CNTN4: variants seen among roughly 807,000 people sequenced by gnomAD.
CNTN4 encodes contactin 4, also known as contactin-4.
Under a neutral mutation model 122.5 loss-of-function variants are expected in CNTN4, and 77 were observed. That is an observed-to-expected ratio of 0.63 (90% CI 0.52 to 0.76). The LOEUF is 0.76. Among genes scored for constraint, CNTN4 ranks in the 30% least tolerant of loss-of-function variants. The pLI is 0.00. For missense variants in CNTN4, 1,256 were observed against 1,259.1 expected (o/e 1.00, Z 0.04); for synonymous variants, 512 against 447.0 (o/e 1.15, Z -1.83).
At chr3:2,473,451 G>A (rs2075751156) in intron 3 of CNTN4, among the ~76,000 whole-genome samples, 1 of 152,052 alleles carries the variant, frequency 6.6e-6, no homozygotes, top group Non-Finnish European at 1.5e-5. Context: ...CAATAATGTA[G>A]CTGCTAGCCA....
intron 2 of CNTN4, chr3:2,238,929 G>T (rs369550797): frequency 1.5e-5 from 2 of 130,616 alleles, no homozygotes; most frequent in Middle Eastern, 3.8e-3. Flanking sequence ...GTTTCACCGT[G>T]TTAGCCAGGA....
intron 4 of CNTN4, among the ~76,000 whole-genome samples, chr3:2,623,598 T>C (rs2082072699): frequency 6.6e-6 from 1 of 152,196 alleles, no homozygotes; most frequent in Non-Finnish European, 1.5e-5. Context: ...GTCAAACTTA[T>C]ATATTAGGAG....
intron 3 of CNTN4, among the ~76,000 whole-genome samples, chr3:2,491,989 C>A (rs976322181): frequency 6.6e-6 from 1 of 151,360 alleles, no homozygotes; most frequent in African/African-American, 2.4e-5. Flanking sequence ...TTTTTAGTTA[C>A]CTGTGAATCA....
intron 2 of CNTN4, among the ~76,000 whole-genome samples, chr3:2,250,893 C>G (rs2040351027): frequency 6.6e-6 from 1 of 151,674 alleles, no homozygotes; most frequent in Non-Finnish European, 1.5e-5. Context: ...TGCTCTAGTT[C>G]TAGTTAATGA....
intron 2 of CNTN4, among the ~76,000 whole-genome samples, chr3:2,259,987 G>A (rs2040759777): frequency 6.6e-6 from 1 of 152,104 alleles, no homozygotes; most frequent in South Asian, 2.1e-4. Flanking sequence ...TTTAGTCACT[G>A]AGCTTTCCCA....
At chr3:2,141,051 G>T (rs910666319) in intron 2 of CNTN4, among the ~76,000 whole-genome samples, 4 of 152,154 alleles carry the variant, frequency 2.6e-5, no homozygotes, top group Non-Finnish European at 4.4e-5. Context: ...CTGTTCTTCA[G>T]CTGGAATATC....
chr3:3,003,542 A>C (rs1696253861), intron 14 of CNTN4, among the ~76,000 whole-genome samples: 1 of 152,080 alleles, frequency 6.6e-6, no homozygotes, highest in Non-Finnish European at 1.5e-5. Context: ...CCAGAATAGG[A>C]AAATTTATAG....
intron 4 of CNTN4, among the ~76,000 whole-genome samples, chr3:2,649,511 G>C (rs1025965409): frequency 6.6e-6 from 1 of 152,150 alleles, no homozygotes; most frequent in African/African-American, 2.4e-5. Context: ...TTACAACATG[G>C]TTTGCTGAAT....
chr3:2,356,120 G>A (rs1489448064), intron 3 of CNTN4, among the ~76,000 whole-genome samples: 3 of 152,088 alleles, frequency 2.0e-5, no homozygotes, highest in Non-Finnish European at 4.4e-5. Context: ...GCTATTGGTG[G>A]GGAGAACAGT....
intron 2 of CNTN4, among the ~76,000 whole-genome samples, chr3:2,292,099 C>T (rs1014846140): frequency 4.6e-5 from 7 of 152,274 alleles, no homozygotes; most frequent in Non-Finnish European, 7.4e-5. Context: ...CATAATTAAC[C>T]GTTAAAATGT....
At chr3:2,473,972 C>T (rs2151523089) in intron 3 of CNTN4, among the ~76,000 whole-genome samples, 1 of 152,010 alleles carries the variant, frequency 6.6e-6, no homozygotes, top group African/African-American at 2.4e-5. Context: ...CAAGATCACG[C>T]CACTGCACTC....
At chr3:2,908,241 G>C (rs2094259217) in intron 12 of CNTN4, among the ~76,000 whole-genome samples, 1 of 152,166 alleles carries the variant, frequency 6.6e-6, no homozygotes, top group Non-Finnish European at 1.5e-5. Flanking sequence ...AACTAAGTTA[G>C]GTATTTTGTT....
intron 2 of CNTN4, among the ~76,000 whole-genome samples, chr3:2,217,812 T>C (rs1186583983): frequency 6.6e-6 from 1 of 152,224 alleles, no homozygotes; most frequent in Non-Finnish European, 1.5e-5. Context: ...ATTAACTTTT[T>C]GCACCAGTTG....
At chr3:2,373,404 A>G (rs2045704301) in intron 3 of CNTN4, among the ~76,000 whole-genome samples, 2 of 152,226 alleles carry the variant, frequency 1.3e-5, no homozygotes, top group Non-Finnish European at 2.9e-5. Flanking sequence ...CCGTGAATCG[A>G]GTACGTACAA....
intron 4 of CNTN4, among the ~76,000 whole-genome samples, chr3:2,694,559 G>A (rs1014441068): frequency 2.0e-5 from 3 of 152,116 alleles, no homozygotes; most frequent in Non-Finnish European, 2.9e-5. Context: ...ACAAAGCCCC[G>A]TCTCTACCAA....
intron 13 of CNTN4, among the ~76,000 whole-genome samples, chr3:2,942,886 T>G (rs1028265934): frequency 6.6e-6 from 1 of 152,172 alleles, no homozygotes; most frequent in Non-Finnish European, 1.5e-5. Context: ...GACTAGGGTT[T>G]CAGGGAGCAA....
chr3:2,782,988 A>G (rs539102599), intron 6 of CNTN4, among the ~76,000 whole-genome samples: 93 of 152,118 alleles, frequency 6.1e-4, no homozygotes, highest in Non-Finnish European at 1.1e-3. Context: ...CTAACTTTAG[A>G]GGTGAGGAGT....
At chr3:2,452,028 T>A in intron 3 of CNTN4, among the ~76,000 whole-genome samples, 1 of 152,204 alleles carries the variant, frequency 6.6e-6, no homozygotes, top group East Asian at 1.9e-4. Flanking sequence ...AAACTCTTAA[T>A]TTAGAGTAGC....
intron 4 of CNTN4, among the ~76,000 whole-genome samples, chr3:2,579,882 G>A (rs2079857770): frequency 1.3e-5 from 2 of 152,140 alleles, no homozygotes; most frequent in African/African-American, 2.4e-5. Flanking sequence ...CGATGATGTT[G>A]CCATATTAGT....
Sources: allele counts gnomAD v4.1 joint callset (sites outside exome capture counted in the v4.1 genomes callset), GRCh38; gene constraint gnomAD v4.1.1; transcripts MANE v1.5; gene names NCBI Gene and HGNC (gene_info 2026-07-23, HGNC 2026-07-21).